CRTC1: variants seen among roughly 807,000 people sequenced by gnomAD.
The protein encoded by CRTC1 is CREB-regulated transcription coactivator 1.
In CRTC1, 18 loss-of-function variants were observed where a neutral mutation model predicts 66.1. The ratio of observed to expected loss-of-function variants is 0.27; its 90% confidence interval spans 0.19 to 0.40. CRTC1 has a LOEUF of 0.40. Ranked by LOEUF, CRTC1 falls within the 10% of genes least tolerant of loss-of-function variation. CRTC1 has a pLI of 1.00. For missense variants in CRTC1, 669 were observed against 887.9 expected, an observed-to-expected ratio of 0.75 and a Z score of 3.13; for synonymous variants, 416 against 398.8, an observed-to-expected ratio of 1.04 and a Z score of -0.51.
At chr19:18,686,446 G>A (rs538172786) in intron 1 of CRTC1, among the ~76,000 whole-genome samples, 2 of 152,306 alleles carry the variant, frequency 1.3e-5, no homozygotes, top group East Asian at 1.9e-4. Context: ...TCAGGAGTTC[G>A]AGACCAGCCT....
At chr19:18,728,907 A>G (rs1428867123) in intron 1 of CRTC1, among the ~76,000 whole-genome samples, 3 of 145,494 alleles carry the variant, frequency 2.1e-5, no homozygotes, top group African/African-American at 7.7e-5. Context: ...CTACCTCCCG[A>G]GTTCAAGTGA....
Position 18,742,948 on chromosome 19 carries a change from C to T in CRTC1, c.165C>T (p.Pro55=). Reference sequence around the variant, plus strand: ...AATCCCAGTACCTGCAACTGGGCCCCAGCCGAGGCCAGTACTATGGCGGGT... The same window carrying T: ...AATCCCAGTACCTGCAACTGGGCCCTAGCCGAGGCCAGTACTATGGCGGGT... ...LQKSQYLQLG[P]SRGQYYGGSL... is the part of the protein sequence containing the mutation. Residue 55 remains proline, a synonymous_variant, in exon 2 of 14, where the codon CCC becomes CCT. Coordinates refer to ENST00000321949, the MANE Select transcript of CRTC1 (RefSeq NM_015321.3). 6.2e-7 allele frequency: 1 copy of T among 1,614,026 alleles called. No homozygotes were observed. The highest frequency in any genetic ancestry group is 1.7e-5 in the Admixed American group (1 of 60,014).
intron 1 of CRTC1, among the ~76,000 whole-genome samples, chr19:18,687,987 C>A (rs2052728072): frequency 3.3e-5 from 5 of 152,052 alleles, no homozygotes; most frequent in Admixed American, 3.3e-4. Flanking sequence ...GCCGTAGAAT[C>A]CTGAGTTGTA....
intron 5 of CRTC1, 120 bp from the exon 6 acceptor site, chr19:18,753,380 C>G (rs934724755): frequency 4.4e-6 from 3 of 681,550 alleles, no homozygotes; most frequent in Non-Finnish European, 7.8e-6. Context: ...CCCGTTAGGA[C>G]AGTTGCAGTC....
At position 18,765,522 on chromosome 19, in the gene CRTC1, C is replaced by G; in HGVS notation, c.1005C>G (p.Ile335Met). 6.2e-7 allele frequency: 1 copy of G among 1,603,646 alleles called. No homozygotes were observed. Among genetic ancestry groups the G allele is most frequent in the South Asian group, 1.1e-5 (1 of 90,624 alleles). ...ASPTLSPLSP[I>M]TQAVAMDALS... Reference sequence around the variant, plus strand: ...CCACCCTGTCCCCGCTGTCACCCATCACTCAGGTGCGAGGGCAAGGTGGGG... The same window carrying G: ...CCACCCTGTCCCCGCTGTCACCCATGACTCAGGTGCGAGGGCAAGGTGGGG... The change falls in exon 9 of 14, where the codon ATC becomes ATG. Residue 335 changes from isoleucine (I) to methionine (M), a missense_variant. This residue lies in a region of CRTC1 where 241 missense variants were observed against 242.2 expected (regional missense o/e 0.99). Transcript: ENST00000321949.
chr19:18,739,936 T>A (rs2054076350), intron 1 of CRTC1, among the ~76,000 whole-genome samples: 1 of 152,158 alleles, frequency 6.6e-6, no homozygotes, highest in Non-Finnish European at 1.5e-5. Flanking sequence ...TATGGTTTAT[T>A]GCAGCGAAAG....
chr19:18,697,708 C>A (rs528451672), intron 1 of CRTC1, among the ~76,000 whole-genome samples: 1 of 152,336 alleles, frequency 6.6e-6, no homozygotes, highest in Admixed American at 6.5e-5. Context: ...GTGAAGGCAT[C>A]TGGTGTATCT....
At chr19:18,724,369 G>A (rs145569983) in intron 1 of CRTC1, among the ~76,000 whole-genome samples, 87 of 152,198 alleles carry the variant, frequency 5.7e-4, no homozygotes, top group Middle Eastern at 3.4e-3. Context: ...AGGGACCTGG[G>A]GTGTTCAGGT....
intron 1 of CRTC1, among the ~76,000 whole-genome samples, chr19:18,714,938 G>T (rs919552490): frequency 1.3e-5 from 2 of 152,220 alleles, no homozygotes; most frequent in Non-Finnish European, 2.9e-5. Flanking sequence ...AAGGATTTCC[G>T]TGCCTGTTCA....
rs749171588 is a variant in CRTC1 at position 18,741,356 on chromosome 19, G to A, written c.127-1554G>A. 5.8e-4 allele frequency among the ~76,000 whole-genome samples: 89 copies of A among 152,348 alleles called. No homozygotes were observed. Among genetic ancestry groups the A allele is most frequent in the Admixed American group, 9.8e-4 (15 of 15,308 alleles). The stretch of plus-strand genomic sequence containing the variant: ...GGCATGAGTACCTGCTGTGTCACAC[G>A]TCGTGTGTCCCTCTCACACCCGCCT... On this transcript the variant is annotated intron_variant, in intron 1 of 13. Coordinates refer to ENST00000321949, the MANE Select transcript of CRTC1 (RefSeq NM_015321.3). The surrounding 1 kb of genome is among the most constrained non-coding windows in gnomAD (Gnocchi z 4.2).
At chr19:18,745,654 C>G (rs2054215385) in intron 2 of CRTC1, among the ~76,000 whole-genome samples, 169 bp from the exon 3 acceptor site, 1 of 152,192 alleles carries the variant, frequency 6.6e-6, no homozygotes, top group Non-Finnish European at 1.5e-5. Flanking sequence ...CTTGGAGAGC[C>G]AGGGAGCTGG....
chr19:18,731,396 A>G (rs565584565), intron 1 of CRTC1, among the ~76,000 whole-genome samples: 6 of 152,136 alleles, frequency 3.9e-5, no homozygotes, highest in Non-Finnish European at 7.4e-5. Flanking sequence ...CGCTTGGCCC[A>G]CTTTCCTCAG....
intron 1 of CRTC1, among the ~76,000 whole-genome samples, chr19:18,696,406 A>C (rs2145503760): frequency 6.6e-6 from 1 of 152,320 alleles, no homozygotes; most frequent in African/African-American, 2.4e-5. Flanking sequence ...GTGGGGGTCC[A>C]GGGAGTGGCA....
chr19:18,775,059 G>A (rs904163949), intron 12 of CRTC1, 73 bp downstream of exon 12: 31 of 1,465,636 alleles, frequency 2.1e-5, no homozygotes, highest in Middle Eastern at 2.4e-4. Context: ...GCTGGGACCC[G>A]GGCCTTGCGA....
intron 6 of CRTC1, among the ~76,000 whole-genome samples, chr19:18,753,903 C>T (rs2054426983): frequency 6.6e-6 from 1 of 152,062 alleles, no homozygotes; most frequent in South Asian, 2.1e-4. Flanking sequence ...AGTTCAAGAC[C>T]AGCCTGGCCA....
In CRTC1 at chr19:18,753,589, A is replaced by G. The variant is rs2054419220; in HGVS notation, c.624+4A>G. ...GCAAGCATGGGACACCAAGAAGGTA[A>G]GAGCCTATGAGCTTTCAAAAACTTT... On this transcript the variant is annotated splice_donor_region_variant and intron_variant, in intron 6 of 13. Coordinates refer to ENST00000321949, the MANE Select transcript of CRTC1 (RefSeq NM_015321.3). 1.9e-6 allele frequency: 3 copies of G among 1,604,696 alleles called. No homozygotes were observed. Among genetic ancestry groups the G allele is most frequent in the Non-Finnish European group, 1.7e-6 (2 of 1,174,942 alleles).
At chr19:18,729,447 AAAAG>A (rs1300742182) in intron 1 of CRTC1, among the ~76,000 whole-genome samples, 2 of 150,772 alleles carry the variant, frequency 1.3e-5, no homozygotes, top group African/African-American at 4.9e-5. Flanking sequence ...AAGAAAAAAA[AAAAG>A]AAGTTGGTTC....
intron 1 of CRTC1, among the ~76,000 whole-genome samples, chr19:18,692,192 C>T (rs186482315): frequency 5.9e-5 from 9 of 152,148 alleles, no homozygotes; most frequent in Admixed American, 2.6e-4. Context: ...GGGTCCACTC[C>T]GGGCCTCGGT....
intron 2 of CRTC1, among the ~76,000 whole-genome samples, chr19:18,745,336 T>G (rs2054206746): frequency 6.6e-6 from 1 of 152,166 alleles, no homozygotes; most frequent in Non-Finnish European, 1.5e-5. Context: ...AACTCGCGCT[T>G]GGCCAGGTGG....
Sources: allele counts gnomAD v4.1 joint callset (sites outside exome capture counted in the v4.1 genomes callset), GRCh38; gene constraint gnomAD v4.1.1; regional missense constraint gnomAD v4.1.1; non-coding constraint Gnocchi (gnomAD v3.1); transcripts MANE v1.5; gene names NCBI Gene and HGNC (gene_info 2026-07-23, HGNC 2026-07-21).